Variants in ERBB4 observed in about 807,000 individuals in gnomAD.
ERBB4 encodes erb-b2 receptor tyrosine kinase 4.
A neutral mutation model predicts 158.0 loss-of-function variants in ERBB4; 42 were observed. That is an observed-to-expected ratio of 0.27 (90% CI 0.21 to 0.34). ERBB4 has a LOEUF of 0.34. Ranked by LOEUF, ERBB4 falls within the 10% of genes least tolerant of loss-of-function variation. The pLI, the probability that ERBB4 is intolerant of heterozygous loss-of-function variation, is 1.00. For missense variants in ERBB4, 1,333 were observed against 1,624.1 expected, an observed-to-expected ratio of 0.82 and a Z score of 3.08; for synonymous variants, 583 against 558.7, an observed-to-expected ratio of 1.04 and a Z score of -0.61.
chr2:212,305,676 T>A (rs913777753), intron 1 of ERBB4, among the ~76,000 whole-genome samples: 1 of 151,418 alleles, frequency 6.6e-6, no homozygotes, highest in African/African-American at 2.4e-5. Flanking sequence ...ATAGTTTTTA[T>A]GGATTAAAAT....
chr2:212,322,087 T>C (rs1227575336), intron 1 of ERBB4, among the ~76,000 whole-genome samples: 3 of 150,466 alleles, frequency 2.0e-5, no homozygotes, highest in African/African-American at 7.3e-5. Context: ...CTTATATAAC[T>C]CTGAACTTTG....
intron 3 of ERBB4, among the ~76,000 whole-genome samples, chr2:211,909,443 T>TGTGTAATA (rs1461802702): frequency 1.3e-5 from 2 of 151,814 alleles, no homozygotes; most frequent in Admixed American, 1.3e-4. Context: ...CAAACCTAGA[T>TGTGTAATA]GGTATAGCCT....
intron 2 of ERBB4, among the ~76,000 whole-genome samples, chr2:211,976,693 A>T (rs1460608347): frequency 6.6e-6 from 1 of 152,078 alleles, no homozygotes; most frequent in East Asian, 1.9e-4. Context: ...TGTCAATGAT[A>T]TCAAATATCA....
chr2:211,549,750 T>G (rs2067031952), intron 20 of ERBB4, among the ~76,000 whole-genome samples: 1 of 152,076 alleles, frequency 6.6e-6, no homozygotes, highest in South Asian at 2.1e-4. Flanking sequence ...AGACAATTAT[T>G]TGGAAGCTAG....
intron 20 of ERBB4, among the ~76,000 whole-genome samples, chr2:211,461,352 GA>G (rs2064526233): frequency 6.6e-6 from 1 of 152,028 alleles, no homozygotes; most frequent in African/African-American, 2.4e-5. Context: ...CAAGGTAGAA[GA>G]AAATAATATG....
chr2:212,335,159 C>T (rs2088368632), intron 1 of ERBB4, among the ~76,000 whole-genome samples: 1 of 151,682 alleles, frequency 6.6e-6, no homozygotes, highest in Non-Finnish European at 1.5e-5. Flanking sequence ...TCAATTAGTA[C>T]TGGTAGAGTC....
intron 1 of ERBB4, among the ~76,000 whole-genome samples, chr2:212,221,154 C>A (rs553400035): frequency 2.0e-5 from 3 of 151,376 alleles, no homozygotes; most frequent in Admixed American, 6.6e-5. Context: ...ATATATAAAT[C>A]TAAGCATTAC....
At chr2:212,508,983 T>C (rs1017193969) in intron 1 of ERBB4, among the ~76,000 whole-genome samples, 1 of 152,128 alleles carries the variant, frequency 6.6e-6, no homozygotes, top group African/African-American at 2.4e-5. Context: ...GTGGTAATTA[T>C]TTATTTTCTA....
chr2:211,707,500 T>C lies in ERBB4; in HGVS notation c.1125-2109A>G, dbSNP rs116009266. Among the ~76,000 whole-genome samples, 1,205 of 152,308 alleles carry C rather than the reference T, an allele frequency of 7.9e-3. 10 individuals are homozygous for C. The highest frequency in any genetic ancestry group is 0.027 in the African/African-American group (1,132 of 41,564). On this transcript the variant is annotated intron_variant, in intron 9 of 27. Coordinates refer to ENST00000342788, the MANE Select transcript of ERBB4 (RefSeq NM_005235.3). The stretch of plus-strand genomic sequence containing the variant: ...TTTCCACTGAAATCACTTTATTTTA[T>C]CATCGAGTTTATTATTTCCCTTCCA...
intron 20 of ERBB4, among the ~76,000 whole-genome samples, chr2:211,501,602 G>T (rs571614296): frequency 6.6e-6 from 1 of 151,850 alleles, no homozygotes; most frequent in African/African-American, 2.4e-5. Context: ...GTTTCTGAAT[G>T]TATATACATA....
chr2:211,742,473 AG>A (rs1377148697), intron 5 of ERBB4, among the ~76,000 whole-genome samples: 1 of 152,218 alleles, frequency 6.6e-6, no homozygotes, highest in Non-Finnish European at 1.5e-5. Context: ...TCATTTTGTT[AG>A]ATTTTATTAT....
Position 211,712,055 on chromosome 2 carries a change from A to G in ERBB4, c.1119T>C (p.Ile373=). The change falls in exon 9 of 28, where the codon ATT becomes ATC. Residue 373 remains isoleucine (I), a synonymous_variant. Transcript: ENST00000342788. ...NGNLIFLVTG[I]HGDPYNAIEA... is the part of the protein sequence containing the mutation. ...CACAAAAATTTAATACTGACCCATG[A>G]ATACCAGTGACTAGAAAGATCAAAT... The G allele has an allele frequency of 6.2e-7, 1 of 1,611,768 alleles. No homozygotes were observed.
At chr2:211,988,681 C>A (rs1243666614) in intron 2 of ERBB4, among the ~76,000 whole-genome samples, 1 of 151,996 alleles carries the variant, frequency 6.6e-6, no homozygotes, top group African/African-American at 2.4e-5. Context: ...ACATCATCTA[C>A]CCAAGCAAAA....
intron 2 of ERBB4, among the ~76,000 whole-genome samples, chr2:212,046,453 A>G (rs1257312921): frequency 6.6e-6 from 1 of 152,248 alleles, no homozygotes; most frequent in African/African-American, 2.4e-5. Flanking sequence ...AAATGTGTGC[A>G]GTTTTGAAAA....
chr2:211,726,378 T>C (rs1287910117), intron 5 of ERBB4, among the ~76,000 whole-genome samples: 1 of 152,174 alleles, frequency 6.6e-6, no homozygotes, highest in Non-Finnish European at 1.5e-5. Flanking sequence ...CATTTCTAGC[T>C]GTCTACAGAA....
chr2:211,664,203 T>C (rs1339281026), intron 15 of ERBB4, among the ~76,000 whole-genome samples: 1 of 152,162 alleles, frequency 6.6e-6, no homozygotes, highest in Non-Finnish European at 1.5e-5. Context: ...CAGGAAATGA[T>C]GTCGCTTGCT....
intron 3 of ERBB4, among the ~76,000 whole-genome samples, chr2:211,932,954 T>G (rs911590456): frequency 6.6e-6 from 1 of 152,054 alleles, no homozygotes; most frequent in African/African-American, 2.4e-5. Flanking sequence ...TGCATAGTAA[T>G]AGTCTTAAAT....
At chr2:212,495,990 T>C (rs1239486771) in intron 1 of ERBB4, among the ~76,000 whole-genome samples, 1 of 152,152 alleles carries the variant, frequency 6.6e-6, no homozygotes, top group African/African-American at 2.4e-5. Context: ...TGGTATTACT[T>C]GATACGGCAT....
At chr2:211,845,732 T>C (rs974511751) in intron 3 of ERBB4, among the ~76,000 whole-genome samples, 8 of 152,206 alleles carry the variant, frequency 5.3e-5, no homozygotes, top group Non-Finnish European at 8.8e-5. Flanking sequence ...TGTTTGGCTA[T>C]TTGTTTAAAA....
Sources: allele counts gnomAD v4.1 joint callset (sites outside exome capture counted in the v4.1 genomes callset), GRCh38; gene constraint gnomAD v4.1.1; transcripts MANE v1.5; gene names NCBI Gene and HGNC (gene_info 2026-07-23, HGNC 2026-07-21).